Variants in PCDH9 observed in about 807,000 individuals in gnomAD.
PCDH9 encodes the protein protocadherin-9.
A neutral mutation model predicts 70.6 loss-of-function variants in PCDH9; 24 were observed. The observed-to-expected ratio is 0.34, with a 90% CI of 0.25 to 0.48. The LOEUF (loss-of-function observed/expected upper bound fraction) is 0.48. PCDH9 is among the 20% of genes least tolerant of loss of function. PCDH9 has a pLI of 0.99. For synonymous variants in PCDH9, 562 were observed against 558.5 expected (o/e 1.01, Z -0.09); for missense variants, 1,281 against 1,503.6 (o/e 0.85, Z 2.45).
chr13:66,388,208 G>A (rs1956962165), intron 4 of PCDH9, among the ~76,000 whole-genome samples: 1 of 152,066 alleles, frequency 6.6e-6, no homozygotes, highest in Non-Finnish European at 1.5e-5. Flanking sequence ...CAGACTAAAA[G>A]GAATGGAGAA....
At chr13:66,887,579 C>T (rs1169897285) in intron 3 of PCDH9, among the ~76,000 whole-genome samples, 1 of 152,136 alleles carries the variant, frequency 6.6e-6, no homozygotes, top group Non-Finnish European at 1.5e-5. Flanking sequence ...TATGAAATCA[C>T]GGAAAGTACT....
intron 2 of PCDH9, among the ~76,000 whole-genome samples, chr13:67,194,911 T>C (rs2089018700): frequency 6.6e-6 from 1 of 152,144 alleles, no homozygotes; most frequent in African/African-American, 2.4e-5. Flanking sequence ...ATCATTAATA[T>C]AAATATGAGA....
intron 3 of PCDH9, among the ~76,000 whole-genome samples, chr13:66,677,114 G>C (rs1227644992): frequency 6.6e-6 from 1 of 152,044 alleles, no homozygotes; most frequent in African/African-American, 2.4e-5. Context: ...AGCCATCAGA[G>C]TACCTGTCAT....
intron 4 of PCDH9, among the ~76,000 whole-genome samples, chr13:66,469,056 C>A (rs1274148464): frequency 6.6e-6 from 1 of 151,976 alleles, no homozygotes; most frequent in Non-Finnish European, 1.5e-5. Flanking sequence ...TGTGTGGGAC[C>A]TAATCAGAAT....
At chr13:66,655,052 A>G (rs937434388) in intron 3 of PCDH9, among the ~76,000 whole-genome samples, 49 of 152,220 alleles carry the variant, frequency 3.2e-4, no homozygotes, top group African/African-American at 1.1e-3. Context: ...TAATTAAAAA[A>G]TGATTCTGTA....
chr13:66,744,497 T>G (rs1210312160), intron 3 of PCDH9, among the ~76,000 whole-genome samples: 1 of 152,170 alleles, frequency 6.6e-6, no homozygotes, highest in African/African-American at 2.4e-5. Context: ...ATCATGTTTG[T>G]GTTAGCCTTC....
At chr13:66,599,552 A>T (rs1392622562) in intron 4 of PCDH9, among the ~76,000 whole-genome samples, 6 of 147,858 alleles carry the variant, frequency 4.1e-5, no homozygotes, top group African/African-American at 7.4e-5. Flanking sequence ...TTTTTAATTA[A>T]TTTTTTTTTT....
At chr13:66,856,944 C>A (rs1276997497) in intron 3 of PCDH9, among the ~76,000 whole-genome samples, 1 of 151,866 alleles carries the variant, frequency 6.6e-6, no homozygotes, top group Non-Finnish European at 1.5e-5. Flanking sequence ...TTTCTTTTTT[C>A]ATATAAAAAT....
intron 2 of PCDH9, among the ~76,000 whole-genome samples, chr13:66,925,434 A>G (rs2082702435): frequency 6.6e-6 from 1 of 151,796 alleles, no homozygotes; most frequent in South Asian, 2.1e-4. Context: ...TTGTAGTTCT[A>G]TGGGGAGAAG....
In PCDH9 at chr13:66,500,318, C is replaced by G. The variant is rs1235879438; in HGVS notation, c.3340+130892G>C. 2.6e-5 allele frequency among the ~76,000 whole-genome samples: 4 copies of G among 152,094 alleles called. No homozygotes were observed. In the South Asian group the frequency reaches 6.2e-4, roughly 24 times the overall value. On this transcript the variant is annotated intron_variant, in intron 4 of 4. Transcript: ENST00000377865. ...ATAAAATTAGTATGCAAAGAGCTATCTGGGCTCCCATGTATAACACAGCAT... is the reference window on the plus strand; with the variant it reads ...ATAAAATTAGTATGCAAAGAGCTATGTGGGCTCCCATGTATAACACAGCAT...
In PCDH9 at chr13:66,494,172, G is replaced by A. The variant is rs149081464; in HGVS notation, c.3340+137038C>T. ...GGAATCTGGTTGGCTAAAGAATAAG[G>A]TCAACAAAGTTACTTATCAAAAGAA... On this transcript the variant is annotated intron_variant, in intron 4 of 4. Transcript: ENST00000377865. Among the ~76,000 whole-genome samples the A allele has an allele frequency of 5.4e-3, 824 of 152,180 alleles. 9 individuals carry two copies. Among genetic ancestry groups the A allele is most frequent in the African/African-American group, 0.019 (769 of 41,544 alleles).
At chr13:66,401,220 T>C (rs1241176623) in intron 4 of PCDH9, among the ~76,000 whole-genome samples, 1 of 152,128 alleles carries the variant, frequency 6.6e-6, no homozygotes, top group Non-Finnish European at 1.5e-5. Flanking sequence ...GTAGTCCGAA[T>C]TGTAATCCCC....
chr13:67,049,579 A>C (rs1272218549), intron 2 of PCDH9, among the ~76,000 whole-genome samples: 2 of 152,184 alleles, frequency 1.3e-5, no homozygotes, highest in Non-Finnish European at 1.5e-5. Context: ...TTTTGTAAGA[A>C]TCTGTGTCTG....
chr13:66,386,463 T>A (rs1956932476), intron 4 of PCDH9, among the ~76,000 whole-genome samples: 1 of 152,154 alleles, frequency 6.6e-6, no homozygotes, highest in African/African-American at 2.4e-5. Flanking sequence ...TGGATGAATG[T>A]TTTTTATTGT....
At chr13:66,899,954 A>G (rs534304854) in intron 3 of PCDH9, among the ~76,000 whole-genome samples, 4 of 152,072 alleles carry the variant, frequency 2.6e-5, no homozygotes, top group African/African-American at 7.2e-5. Flanking sequence ...TTGAAGGTAA[A>G]GTCTTTAGAT....
At chr13:67,138,953 C>T (rs1322627928) in intron 2 of PCDH9, among the ~76,000 whole-genome samples, 2 of 152,098 alleles carry the variant, frequency 1.3e-5, no homozygotes, top group African/African-American at 4.8e-5. Flanking sequence ...ACAATATCAA[C>T]AGTATGTATG....
At chr13:66,660,497 C>G (rs956459706) in intron 3 of PCDH9, among the ~76,000 whole-genome samples, 3 of 152,114 alleles carry the variant, frequency 2.0e-5, no homozygotes, top group South Asian at 2.1e-4. Context: ...TTCAAATGCC[C>G]AATACAATGT....
At chr13:67,030,005 A>C (rs1262803574) in intron 2 of PCDH9, among the ~76,000 whole-genome samples, 3 of 152,200 alleles carry the variant, frequency 2.0e-5, no homozygotes, top group Non-Finnish European at 4.4e-5. Flanking sequence ...TCATTATCAG[A>C]AAGAGACTAC....
chr13:67,005,337 T>C (rs564459038), intron 2 of PCDH9, among the ~76,000 whole-genome samples: 4 of 152,288 alleles, frequency 2.6e-5, no homozygotes, highest in Admixed American at 6.5e-5. Flanking sequence ...TTTAAATAAT[T>C]GGCCACTCAT....
Sources: gnomAD v4.1 joint callset for allele counts (sites outside exome capture counted in the v4.1 genomes callset) on GRCh38, gnomAD v4.1.1 for gene constraint, MANE v1.5 for transcripts, NCBI Gene and HGNC (gene_info 2026-07-23, HGNC 2026-07-21) for gene names.